The following DLGAP2 variants were observed in gnomAD, a reference collection of about 807,000 sequenced individuals.
DLGAP2 encodes the protein DLG associated protein 2, also known as disks large-associated protein 2.
In DLGAP2, 26 loss-of-function variants were observed where a neutral mutation model predicts 100.3. That is an observed-to-expected ratio of 0.26 (90% CI 0.19 to 0.36). The LOEUF is 0.36. Ranked by LOEUF, DLGAP2 falls within the 10% of genes least tolerant of loss-of-function variation. DLGAP2 has a pLI of 1.00. For synonymous variants in DLGAP2, 886 were observed against 630.1 expected, an observed-to-expected ratio of 1.41 and a Z score of -6.08; for missense variants, 1,858 against 1,453.2, an observed-to-expected ratio of 1.28 and a Z score of -4.53.
At chr8:1,049,658 CAG>C (rs1802615768) in intron 2 of DLGAP2, among the ~76,000 whole-genome samples, 1 of 151,954 alleles carries the variant, frequency 6.6e-6, no homozygotes, top group African/African-American at 2.4e-5. Flanking sequence ...CACACACAAG[CAG>C]AGACATCCTT....
At chr8:1,083,895 T>G (rs896400688) in intron 2 of DLGAP2, among the ~76,000 whole-genome samples, 2 of 152,252 alleles carry the variant, frequency 1.3e-5, no homozygotes, top group African/African-American at 2.4e-5. Flanking sequence ...AATAAAGAAC[T>G]GTGTTCGTGT....
intron 3 of DLGAP2, among the ~76,000 whole-genome samples, chr8:1,448,343 T>C (rs1798039073): frequency 6.6e-6 from 1 of 152,236 alleles, no homozygotes; most frequent in Admixed American, 6.5e-5. Flanking sequence ...TTTTATTATG[T>C]ACCTAGTAGT....
At chr8:1,070,035 G>T (rs1803379284) in intron 2 of DLGAP2, among the ~76,000 whole-genome samples, 1 of 152,234 alleles carries the variant, frequency 6.6e-6, no homozygotes, top group Non-Finnish European at 1.5e-5. Context: ...TTAAAAGTAT[G>T]TGTTTCTGGC....
intron 4 of DLGAP2, among the ~76,000 whole-genome samples, chr8:1,537,722 A>AAAGGATGG (rs1374748204): frequency 8.2e-6 from 1 of 121,338 alleles, no homozygotes; most frequent in Non-Finnish European, 1.8e-5. Flanking sequence ...TGGATGGATG[A>AAAGGATGG]AAGGATGGAA....
chr8:1,191,259 C>G (rs936961998), intron 2 of DLGAP2, among the ~76,000 whole-genome samples: 8 of 151,160 alleles, frequency 5.3e-5, no homozygotes, highest in Non-Finnish European at 1.0e-4. Flanking sequence ...GCAGCTCCAC[C>G]TCCCGGGTTC....
chr8:1,260,948 C>T (rs753333461), intron 3 of DLGAP2, among the ~76,000 whole-genome samples: 1 of 152,232 alleles, frequency 6.6e-6, no homozygotes, highest in African/African-American at 2.4e-5. Flanking sequence ...GGGTCACTTC[C>T]CCTGGGCACC....
chr8:1,347,961 A>G (rs1198355009), intron 3 of DLGAP2, among the ~76,000 whole-genome samples: 2 of 148,964 alleles, frequency 1.3e-5, no homozygotes, highest in Non-Finnish European at 3.0e-5. Flanking sequence ...ACAGAGCTAC[A>G]TTGCACTCAT....
chr8:1,235,091 GGC>G (rs1563269921), intron 2 of DLGAP2, among the ~76,000 whole-genome samples: 3 of 15,326 alleles, frequency 2.0e-4, no homozygotes, highest in African/African-American at 2.8e-4. Context: ...CCTCTCACAT[GGC>G]GTCGTGTCTA....
At chr8:867,792 A>G (rs552313256) in intron 1 of DLGAP2, among the ~76,000 whole-genome samples, 15 of 152,194 alleles carry the variant, frequency 9.9e-5, no homozygotes, top group Non-Finnish European at 2.1e-4. Flanking sequence ...GCTTTGAATG[A>G]TTCTGTTTTG....
At chr8:1,622,613 A>C (rs1797374525) in intron 6 of DLGAP2, among the ~76,000 whole-genome samples, 2 of 152,248 alleles carry the variant, frequency 1.3e-5, no homozygotes, top group South Asian at 4.1e-4. Flanking sequence ...TCACTTGCAC[A>C]GCTTTCCGTC....
chr8:1,479,499 T>A (rs1020963488), intron 3 of DLGAP2, among the ~76,000 whole-genome samples: 1 of 152,066 alleles, frequency 6.6e-6, no homozygotes, highest in Non-Finnish European at 1.5e-5. Flanking sequence ...ATTGGATCCA[T>A]CCTGAAAGGG....
chr8:1,240,952 A>G (rs1213989530), intron 2 of DLGAP2, among the ~76,000 whole-genome samples: 1 of 8,498 alleles, frequency 1.2e-4, no homozygotes, highest in Non-Finnish European at 2.7e-4. Flanking sequence ...CGCCGTGTCT[A>G]GTTCTCTTAC....
At chr8:1,256,147 C>G (rs1224643159) in intron 2 of DLGAP2, among the ~76,000 whole-genome samples, 1 of 124,114 alleles carries the variant, frequency 8.1e-6, no homozygotes, top group Non-Finnish European at 1.6e-5. Flanking sequence ...TCCTCTCATG[C>G]CTGGGTGCTG....
At chr8:1,127,917 T>G (rs1157896006) in intron 2 of DLGAP2, among the ~76,000 whole-genome samples, 1 of 152,224 alleles carries the variant, frequency 6.6e-6, no homozygotes, top group Non-Finnish European at 1.5e-5. Context: ...TCCGGATCTT[T>G]CAAATAATGA....
At chr8:1,545,928 A>G (rs182663207) in intron 4 of DLGAP2, among the ~76,000 whole-genome samples, 29 of 152,356 alleles carry the variant, frequency 1.9e-4, no homozygotes, top group African/African-American at 5.8e-4. Flanking sequence ...ATATGAAGGA[A>G]GATTAAAATT....
intron 6 of DLGAP2, among the ~76,000 whole-genome samples, chr8:1,580,283 C>G (rs968118594): frequency 2.0e-5 from 3 of 152,122 alleles, no homozygotes; most frequent in Non-Finnish European, 4.4e-5. Context: ...GAGGAGAACT[C>G]TAAGAAAGAG....
intron 2 of DLGAP2, among the ~76,000 whole-genome samples, chr8:1,103,888 A>G (rs887124460): frequency 6.6e-6 from 1 of 152,208 alleles, no homozygotes; most frequent in Non-Finnish European, 1.5e-5. Context: ...CCCCGCACCC[A>G]TGTTGGGGCT....
intron 2 of DLGAP2, among the ~76,000 whole-genome samples, chr8:1,104,268 G>T (rs984332023): frequency 6.6e-6 from 1 of 152,070 alleles, no homozygotes; most frequent in African/African-American, 2.4e-5. Flanking sequence ...GAGGGTTGAC[G>T]CCAGCCCAGT....
At chr8:1,647,271 G>A (rs1798060669) in intron 8 of DLGAP2, among the ~76,000 whole-genome samples, 1 of 151,932 alleles carries the variant, frequency 6.6e-6, no homozygotes, top group Admixed American at 6.6e-5. Flanking sequence ...AGTTAGATGG[G>A]ATAAAAAGTG....
Sources: allele counts gnomAD v4.1 joint callset (sites outside exome capture counted in the v4.1 genomes callset), GRCh38; gene constraint gnomAD v4.1.1; transcripts MANE v1.5; gene names NCBI Gene and HGNC (gene_info 2026-07-23, HGNC 2026-07-21).